The following PDE1A variants were observed in gnomAD, a reference collection of about 807,000 sequenced individuals.
PDE1A encodes the protein dual specificity calcium/calmodulin-dependent 3',5'-cyclic nucleotide phosphodiesterase 1A.
Under a neutral mutation model 61.7 loss-of-function variants are expected in PDE1A, and 35 were observed. The ratio of observed to expected loss-of-function variants is 0.57; its 90% confidence interval spans 0.43 to 0.75. The LOEUF (loss-of-function observed/expected upper bound fraction) is 0.75. PDE1A is among the 30% of genes least tolerant of loss of function. The pLI, the probability that PDE1A is intolerant of heterozygous loss-of-function variation, is 0.00. For missense variants in PDE1A, 597 were observed against 630.6 expected (o/e 0.95, Z 0.57); for synonymous variants, 232 against 213.2 (o/e 1.09, Z -0.77).
intron 1 of PDE1A, among the ~76,000 whole-genome samples, chr2:182,331,137 G>T (rs1264646312): frequency 6.6e-6 from 1 of 152,174 alleles, no homozygotes; most frequent in South Asian, 2.1e-4. Flanking sequence ...GGCATAGAGA[G>T]GCTTAGTCAC....
intron 1 of PDE1A, among the ~76,000 whole-genome samples, chr2:182,295,282 G>C (rs1369202865): frequency 6.6e-6 from 1 of 151,652 alleles, no homozygotes; most frequent in African/African-American, 2.4e-5. Context: ...CACCTTGTTA[G>C]CCAGGATGGT....
At chr2:182,219,371 C>G (rs915774119) in intron 7 of PDE1A, among the ~76,000 whole-genome samples, 1 of 151,990 alleles carries the variant, frequency 6.6e-6, no homozygotes, top group Non-Finnish European at 1.5e-5. Context: ...ATATTTCAAG[C>G]ATTCTCAGAT....
intron 2 of PDE1A, among the ~76,000 whole-genome samples, chr2:182,498,576 A>T (rs1320440267): frequency 6.6e-6 from 1 of 151,980 alleles, no homozygotes; most frequent in Non-Finnish European, 1.5e-5. Flanking sequence ...TATTCTCCAT[A>T]CTGAAAGGCA....
At chr2:182,340,583 T>G (rs562575669) in intron 1 of PDE1A, among the ~76,000 whole-genome samples, 3 of 152,290 alleles carry the variant, frequency 2.0e-5, no homozygotes, top group African/African-American at 7.2e-5. Context: ...ATCTTCAGAT[T>G]TTTAAGTAGG....
chr2:182,475,704 T>C (rs1687312714), intron 2 of PDE1A, among the ~76,000 whole-genome samples: 1 of 152,040 alleles, frequency 6.6e-6, no homozygotes, highest in Admixed American at 6.6e-5. Context: ...TCAACTCTCT[T>C]GCCTTTAATG....
At chr2:182,522,788 G>C (rs778681083), upstream of PDE1A, 1 of 452,892 alleles carries the variant, frequency 2.2e-6, no homozygotes, top group Admixed American at 6.3e-5. Context: ...AATGACTTTC[G>C]CGCTCCAGAA....
intron 1 of PDE1A, among the ~76,000 whole-genome samples, chr2:182,309,317 A>G (rs1249851044): frequency 2.0e-5 from 3 of 152,094 alleles, no homozygotes; most frequent in Non-Finnish European, 4.4e-5. Context: ...AAAATAGAAA[A>G]TAACATTGAG....
intron 1 of PDE1A, among the ~76,000 whole-genome samples, chr2:182,316,547 A>G (rs1696351243): frequency 6.6e-6 from 1 of 152,194 alleles, no homozygotes; most frequent in Admixed American, 6.5e-5. Context: ...ATGAATTTGC[A>G]ATGTCAGTTT....
chr2:182,639,403 T>TA, the PDE1A span, among the ~76,000 whole-genome samples: 1 of 151,854 alleles, frequency 6.6e-6, no homozygotes, highest in East Asian at 1.9e-4. Context: ...ACCCGTCTCT[T>TA]ACAAAAATAC....
In PDE1A at chr2:182,234,514, A is replaced by G. The variant is rs544761109; in HGVS notation, c.351-16T>C. The G allele has an allele frequency of 1.6e-5, 24 of 1,469,622 alleles. No homozygotes were observed. In the East Asian group the frequency reaches 4.6e-4, roughly 28 times the overall value. 91.0% of individuals were successfully genotyped at this position (1,469,622 alleles called of 1,614,324 possible). A position where few individuals can be genotyped will look rare whatever the true frequency, so the allele number is the denominator to read the frequency against. On this transcript the variant is annotated splice_polypyrimidine_tract_variant and intron_variant, in intron 3 of 13. Transcript: ENST00000351439. ...TCGGTACATTCTAAAAAAGACAAAA[A>G]TAAGTGTAAATATAAAATTCATTTA... is the stretch of plus-strand genomic sequence containing the variant.
At chr2:182,168,298 A>T in intron 13 of PDE1A, 5 of 1,583,890 alleles carry the variant, frequency 3.2e-6, no homozygotes, top group Non-Finnish European at 3.4e-6. Flanking sequence ...CTTCTGAAAA[A>T]AAAAAAAGCG....
At chr2:182,631,652 T>C in the PDE1A span, among the ~76,000 whole-genome samples, 1 of 152,214 alleles carries the variant, frequency 6.6e-6, no homozygotes, top group Non-Finnish European at 1.5e-5. Context: ...TTTCATATGA[T>C]AGGATACTAT....
intron 1 of PDE1A, among the ~76,000 whole-genome samples, chr2:182,401,487 A>C (rs1269156670): frequency 6.6e-6 from 1 of 152,090 alleles, no homozygotes; most frequent in Non-Finnish European, 1.5e-5. Context: ...CATTCTAAAA[A>C]CTCTCAATAA....
At chr2:182,471,204 AAAG>A (rs1340075430) in intron 2 of PDE1A, among the ~76,000 whole-genome samples, 1 of 151,802 alleles carries the variant, frequency 6.6e-6, no homozygotes, top group Non-Finnish European at 1.5e-5. Flanking sequence ...TAGAAGTTAT[AAAG>A]AAGAGATACA....
At chr2:182,640,056 A>G in the PDE1A span, among the ~76,000 whole-genome samples, 4 of 152,184 alleles carry the variant, frequency 2.6e-5, no homozygotes, top group African/African-American at 9.6e-5. Context: ...CTGTATTCAT[A>G]TAACTCCTCA....
chr2:182,572,922 G>A, the PDE1A span, among the ~76,000 whole-genome samples: 2 of 150,506 alleles, frequency 1.3e-5, no homozygotes, highest in African/African-American at 4.9e-5. Context: ...CACCACTAGA[G>A]GAGACAACAG....
chr2:182,522,230 T>C (rs745564983), intron 2 of PDE1A: 4 of 1,491,560 alleles, frequency 2.7e-6, no homozygotes, highest in Admixed American at 1.7e-5. Flanking sequence ...GTCACGTTAA[T>C]AGTCAAATCT....
intron 13 of PDE1A, among the ~76,000 whole-genome samples, chr2:182,173,958 T>A (rs911082792): frequency 2.0e-5 from 3 of 151,300 alleles, no homozygotes. Context: ...AAAAATCAAT[T>A]TTTACTTTCT....
chr2:182,379,324 C>G (rs1017922111), intron 1 of PDE1A, among the ~76,000 whole-genome samples: 2 of 152,360 alleles, frequency 1.3e-5, no homozygotes, highest in Admixed American at 6.5e-5. Flanking sequence ...CCTTCTCACT[C>G]TCTCTTCCAT....
Sources: allele counts gnomAD v4.1 joint callset (sites outside exome capture counted in the v4.1 genomes callset), GRCh38; gene constraint gnomAD v4.1.1; transcripts MANE v1.5; gene names NCBI Gene and HGNC (gene_info 2026-07-23, HGNC 2026-07-21).